Variants in ST3GAL6 observed in about 807,000 individuals in gnomAD.
The protein encoded by ST3GAL6 is type 2 lactosamine alpha-2,3-sialyltransferase.
In ST3GAL6, 31 loss-of-function variants were observed where a neutral mutation model predicts 40.5. The ratio of observed to expected loss-of-function variants is 0.77; its 90% confidence interval spans 0.58 to 1.03. The LOEUF is 1.03. Ranked by LOEUF, ST3GAL6 falls within the 50% of genes least tolerant of loss-of-function variation. The probability of loss-of-function intolerance (pLI) is 0.00; values close to 1 mark genes in which losing one functional copy is unlikely to be tolerated. For missense variants in ST3GAL6, 357 were observed against 393.2 expected (o/e 0.91, Z 0.78); for synonymous variants, 129 against 136.9 (o/e 0.94, Z 0.40).
At chr3:98,736,469 C>T (rs1935554897) in intron 1 of ST3GAL6, among the ~76,000 whole-genome samples, 1 of 152,160 alleles carries the variant, frequency 6.6e-6, no homozygotes, top group South Asian at 2.1e-4. Flanking sequence ...CTGGAGATTC[C>T]TCCAGAGGTG....
intron 2 of ST3GAL6, among the ~76,000 whole-genome samples, chr3:98,769,184 A>G (rs1196898304): frequency 6.6e-6 from 1 of 152,222 alleles, no homozygotes; most frequent in Non-Finnish European, 1.5e-5. Flanking sequence ...ATTTTTTGCC[A>G]GTGTTTCATA....
At chr3:98,741,934 G>A (rs1936123257) in intron 1 of ST3GAL6, among the ~76,000 whole-genome samples, 2 of 152,178 alleles carry the variant, frequency 1.3e-5, no homozygotes, top group African/African-American at 2.4e-5. Flanking sequence ...AAGTTTGATA[G>A]TAGAGATGGG....
At chr3:98,763,332 T>C (rs1937984062), upstream of ST3GAL6, 1 of 1,289,196 alleles carries the variant, frequency 7.8e-7, no homozygotes, top group South Asian at 1.2e-5. Context: ...CAGTCTGGAG[T>C]GTATGTCAGT....
In ST3GAL6 at chr3:98,750,508, C is replaced by T. The variant is rs144022773; in HGVS notation, c.-11-17922C>T. ...TAAGTAACATTCGAATGTTCCTGTTCACCCTAAATTCTTGCCACTCAAAGC... is the reference window on the plus strand; with the variant it reads ...TAAGTAACATTCGAATGTTCCTGTTTACCCTAAATTCTTGCCACTCAAAGC... On this transcript the variant is annotated intron_variant, in intron 1 of 9. Transcript: ENST00000265261. Among the ~76,000 whole-genome samples, 6 of 152,038 alleles carry T rather than the reference C, an allele frequency of 3.9e-5. No individual in the cohort carries two copies. The East Asian group carries it at 5.8e-4, about 15-fold the overall frequency.
chr3:98,772,764 C>A (rs762796284), intron 3 of ST3GAL6, 49 bp from the exon 4 acceptor site: 21 of 1,288,100 alleles, frequency 1.6e-5, no homozygotes, highest in Non-Finnish European at 2.1e-5. Context: ...TAAAAGCTTG[C>A]AAATATAGTA....
intron 2 of ST3GAL6, 52 bp from the exon 3 acceptor site, chr3:98,770,827 T>G: frequency 1.9e-6 from 3 of 1,538,754 alleles, no homozygotes; most frequent in Non-Finnish European, 2.7e-6. Context: ...TGCTTCCCTT[T>G]GGGCAGGGTG....
intron 1 of ST3GAL6, among the ~76,000 whole-genome samples, chr3:98,764,946 T>TA (rs1938174844): frequency 6.6e-6 from 1 of 152,238 alleles, no homozygotes; most frequent in Non-Finnish European, 1.5e-5. Context: ...CTGTATCTGT[T>TA]ACAGTCTCTG....
chr3:98,775,279 C>T (rs1004192560), intron 5 of ST3GAL6, among the ~76,000 whole-genome samples: 1 of 152,106 alleles, frequency 6.6e-6, no homozygotes, highest in African/African-American at 2.4e-5. Flanking sequence ...AGTTCGAGAC[C>T]AGCCTGGCCA....
intron 1 of ST3GAL6, among the ~76,000 whole-genome samples, chr3:98,748,768 C>T (rs960672900): frequency 3.3e-5 from 5 of 152,098 alleles, no homozygotes; most frequent in African/African-American, 9.7e-5. Context: ...GCCTGGCCTG[C>T]GCTATTATTA....
In ST3GAL6 at chr3:98,738,295, A is replaced by G. The variant is rs545698833; in HGVS notation, c.-12+5763A>G. Among the ~76,000 whole-genome samples the G allele has an allele frequency of 1.8e-4, 27 of 148,710 alleles. No homozygotes were observed. In the South Asian group the frequency reaches 5.6e-3, roughly 31 times the overall value. On this transcript the variant is annotated intron_variant, in intron 1 of 9. Transcript: ENST00000265261. ...ATTTCTTTCTTTCTTTTTTTTTTGGATAGGGTCTCACTCTGTTGAACAAGC... is the reference window on the plus strand; with the variant it reads ...ATTTCTTTCTTTCTTTTTTTTTTGGGTAGGGTCTCACTCTGTTGAACAAGC...
chr3:98,780,604 G>A (rs192949578), intron 5 of ST3GAL6, among the ~76,000 whole-genome samples: 91 of 152,278 alleles, frequency 6.0e-4, no homozygotes, highest in Non-Finnish European at 1.0e-3. Flanking sequence ...TGAACTGCTG[G>A]GACCATAAGT....
At chr3:98,757,812 C>T (rs748321784) in intron 1 of ST3GAL6, among the ~76,000 whole-genome samples, 4 of 151,552 alleles carry the variant, frequency 2.6e-5, no homozygotes, top group Non-Finnish European at 5.9e-5. Context: ...ATCACATAAG[C>T]GTTTAGTTAA....
chr3:98,737,569 CA>C (rs1935664564), intron 1 of ST3GAL6, among the ~76,000 whole-genome samples: 1 of 152,188 alleles, frequency 6.6e-6, no homozygotes, highest in Admixed American at 6.5e-5. Flanking sequence ...CAAGATGTCT[CA>C]TCATCACCAC....
chr3:98,732,328 G>T (rs1011279469), exon 1 of ST3GAL6: 1 of 152,678 alleles, frequency 6.5e-6, no homozygotes, highest in African/African-American at 2.4e-5. Flanking sequence ...CGGGGAAGGG[G>T]AGTACCCGGC....
In ST3GAL6 at chr3:98,788,396, A is replaced by G; in HGVS notation, c.689A>G (p.Asp230Gly). The G allele has an allele frequency of 6.2e-7, 1 of 1,613,148 alleles. No individual in the cohort carries two copies. Among genetic ancestry groups the G allele is most frequent in the African/African-American group, 1.3e-5 (1 of 74,986 alleles). The change falls in exon 8 of 10, where the codon GAT (aspartate) becomes GGT (glycine). Residue 230 changes from aspartate (D) to glycine (G), a missense_variant. Asp to Gly is a moderately conservative substitution (Grantham distance 94). Coordinates refer to ENST00000483910, the MANE Select transcript of ST3GAL6 (RefSeq NM_001323368.2). ...AAACCTTATCAAATCCGAATATTAG[A>G]TCCTTTCATTATCAGAACAGCAGCT... is the stretch of plus-strand genomic sequence containing the variant. ...IYKPYQIRIL[D>G]PFIIRTAAYE...
intron 1 of ST3GAL6, 115 bp downstream of exon 1, chr3:98,763,554 T>G (rs908186523): frequency 1.0e-6 from 1 of 965,276 alleles, no homozygotes; most frequent in African/African-American, 1.7e-5. Flanking sequence ...AAGGGGGATG[T>G]GCTTCTCTTA....
At chr3:98,787,223 A>C (rs1200540084) in intron 6 of ST3GAL6, among the ~76,000 whole-genome samples, 2 of 152,184 alleles carry the variant, frequency 1.3e-5, no homozygotes, top group Non-Finnish European at 2.9e-5. Context: ...AAATCTGATA[A>C]TTTAGAGCCA....
intron 1 of ST3GAL6, among the ~76,000 whole-genome samples, chr3:98,747,437 A>G (rs1936646134): frequency 6.6e-6 from 1 of 152,206 alleles, no homozygotes; most frequent in Non-Finnish European, 1.5e-5. Flanking sequence ...AAACATGTTT[A>G]TGTTTTAGAA....
In ST3GAL6 at chr3:98,745,449, G is replaced by A. The variant is rs190943396; in HGVS notation, c.-12+12917G>A. ...GGCTCAGGCCAGTTCCTGTGTTCTT[G>A]CTTTGGGACCTAGGGACTCTGCTGG... On this transcript the variant is annotated intron_variant, in intron 1 of 9. Transcript: ENST00000265261. 1.3e-3 allele frequency among the ~76,000 whole-genome samples: 195 copies of A among 152,302 alleles called. 2 individuals carry two copies. Among genetic ancestry groups the A allele is most frequent in the South Asian group, 7.7e-3 (37 of 4,824 alleles).
Sources: allele counts gnomAD v4.1 joint callset (sites outside exome capture counted in the v4.1 genomes callset), GRCh38; gene constraint gnomAD v4.1.1; transcripts MANE v1.5; gene names NCBI Gene and HGNC (gene_info 2026-07-23, HGNC 2026-07-21).